The following SYN1 variants were observed in gnomAD, a reference collection of about 807,000 sequenced individuals.
The protein encoded by SYN1 is synapsin-1.
A neutral mutation model predicts 44.6 loss-of-function variants in SYN1; 8 were observed. The ratio of observed to expected loss-of-function variants is 0.18; its 90% CI spans 0.11 to 0.32. The LOEUF is 0.32. Among genes scored for constraint, SYN1 ranks in the 10% least tolerant of loss-of-function variants. The pLI is 1.00. For missense variants in SYN1, 451 were observed against 639.4 expected (o/e 0.71, Z 3.18); for synonymous variants, 275 against 280.1 (o/e 0.98, Z 0.18).
At chrX:47,579,382 T>A (rs1267122223) in intron 5 of SYN1, among the ~76,000 whole-genome samples, 2 of 111,277 alleles carry the variant, frequency 1.8e-5, no homozygotes, top group African/African-American at 6.6e-5. Context: ...GCCTTTCTTC[T>A]TCCTAAGGCC....
intron 1 of SYN1, among the ~76,000 whole-genome samples, chrX:47,618,008 C>T (rs575016463): frequency 9.0e-6 from 1 of 111,522 alleles, no homozygotes; most frequent in African/African-American, 3.3e-5. Flanking sequence ...TATGGGAGCT[C>T]GATTCTTCAT....
chrX:47,619,257 T>C (rs1054195708), intron 1 of SYN1, 95 bp downstream of exon 1: 17 of 1,130,093 alleles, frequency 1.5e-5, no homozygotes, highest in Non-Finnish European at 2.0e-5. Context: ...GAGGGCCAGG[T>C]GTCAGGCACA....
At chrX:47,577,372 C>A in intron 6 of SYN1, 67 bp downstream of exon 6, 1 of 1,105,223 alleles carries the variant, frequency 9.0e-7, no homozygotes. Flanking sequence ...GACGCGATCA[C>A]ACAGAATGAC....
At chrX:47,583,318 G>C in intron 5 of SYN1, 1 of 844,375 alleles carries the variant, frequency 1.2e-6, no homozygotes, top group Non-Finnish European at 1.6e-6. Context: ...CCCCCCCATA[G>C]GCTGCCCCGG....
chrX:47,619,780 G>C lies in SYN1; in HGVS notation c.-52C>G, dbSNP rs985629847. 8.9e-7 allele frequency: 1 copy of C among 1,126,634 alleles called. No individual in the cohort carries two copies. Among genetic ancestry groups the C allele is most frequent in the African/African-American group, 1.8e-5 (1 of 54,768 alleles). The allele number at this position is 1,126,634 out of a possible 1,213,427, so 92.8% of individuals were successfully genotyped here. ...AGGGGTGGTCTGGCCAGGAGCCGCGGGGGCGGACTGCGCGGTGCCCAGGAG... is the reference window on the plus strand; with the variant it reads ...AGGGGTGGTCTGGCCAGGAGCCGCGCGGGCGGACTGCGCGGTGCCCAGGAG... On this transcript the variant is annotated 5_prime_UTR_variant, in exon 1 of 13. Transcript: ENST00000295987.
intron 5 of SYN1, among the ~76,000 whole-genome samples, chrX:47,599,686 AT>A (rs2057874192): frequency 8.9e-6 from 1 of 112,492 alleles, no homozygotes; most frequent in African/African-American, 3.2e-5. Context: ...TGATGTGAAA[AT>A]AATAATAAAA....
chrX:47,595,743 C>T (rs1603066075), intron 5 of SYN1, among the ~76,000 whole-genome samples: 1 of 111,381 alleles, frequency 9.0e-6, no homozygotes, highest in African/African-American at 3.3e-5. Flanking sequence ...AATCTAGTTC[C>T]CAGATCTTGG....
chrX:47,589,524 A>T (rs2057840693), intron 5 of SYN1, among the ~76,000 whole-genome samples: 1 of 99,908 alleles, frequency 1.0e-5, no homozygotes, highest in Admixed American at 1.2e-4. Flanking sequence ...TGAACCTGGG[A>T]GGCGGAGCTT....
At chrX:47,614,509 C>G (rs991419815) in intron 1 of SYN1, among the ~76,000 whole-genome samples, 1 of 111,760 alleles carries the variant, frequency 8.9e-6, no homozygotes, top group African/African-American at 3.3e-5. Flanking sequence ...GCTCATCTCA[C>G]TACCGTGCTC....
intron 5 of SYN1, chrX:47,590,169 G>A (rs948872239): frequency 9.0e-6 from 1 of 111,230 alleles, no homozygotes; most frequent in African/African-American, 3.3e-5. Flanking sequence ...AGACAATCCA[G>A]TTTCCTAGTG....
At chrX:47,611,804 T>C (rs768651662) in intron 1 of SYN1, among the ~76,000 whole-genome samples, 49 of 111,154 alleles carry the variant, frequency 4.4e-4, no homozygotes, top group Non-Finnish European at 5.9e-4. Flanking sequence ...GACCGATGCA[T>C]TAGTAAAATT....
At chrX:47,584,039 T>A (rs1253878566) in intron 5 of SYN1, among the ~76,000 whole-genome samples, 5 of 110,398 alleles carry the variant, frequency 4.5e-5, no homozygotes, top group Non-Finnish European at 9.5e-5. Context: ...TAAGGAGCAG[T>A]GTGAGGGTCT....
chrX:47,593,057 G>T (rs866257900), intron 5 of SYN1, among the ~76,000 whole-genome samples: 9 of 107,145 alleles, frequency 8.4e-5, no homozygotes, highest in African/African-American at 2.5e-4. Context: ...TGTTTTTTTT[G>T]TTTTGTTTTG....
chrX:47,575,215 G>A lies in SYN1; in HGVS notation c.1218C>T (p.Ile406=), dbSNP rs1482108269. ...GDHQDEDKQL[I]VELVVNKMAQ... ...CCATCTTGTTGACCACGAGCTCTAC[G>A]ATGAGCTGTTTGTCTTCATCCTGGT... The change falls in exon 10 of 13, where the codon ATC becomes ATT. Residue 406 remains isoleucine, a synonymous_variant. Transcript: ENST00000295987. The A allele has an allele frequency of 6.6e-6, 8 of 1,204,716 alleles. No individual in the cohort carries two copies. Among genetic ancestry groups the A allele is most frequent in the Middle Eastern group, 2.3e-4 (1 of 4,361 alleles).
intron 5 of SYN1, among the ~76,000 whole-genome samples, chrX:47,603,174 A>G (rs2057885098): frequency 9.0e-6 from 1 of 111,458 alleles, no homozygotes; most frequent in African/African-American, 3.3e-5. Flanking sequence ...CACTGTTTGT[A>G]CTAATGGTTT....
At chrX:47,604,214 T>C (rs914574418) in intron 5 of SYN1, among the ~76,000 whole-genome samples, 38 of 110,172 alleles carry the variant, frequency 3.4e-4, no homozygotes, top group Non-Finnish European at 6.3e-4. Context: ...CGGCCAGTGA[T>C]TATATTTCAT....
chrX:47,598,977 T>C (rs1252783685), intron 5 of SYN1, among the ~76,000 whole-genome samples: 3 of 110,761 alleles, frequency 2.7e-5, no homozygotes, highest in Non-Finnish European at 5.7e-5. Context: ...GCCATGTTCC[T>C]ACCATGGCAC....
chrX:47,604,676 A>G, intron 5 of SYN1: 1 of 315,560 alleles, frequency 3.2e-6, no homozygotes, highest in Non-Finnish European at 5.6e-6. Context: ...TTCTATATGT[A>G]ATATATTCTG....
Position 47,619,557 on chromosome X carries a change from C to G in SYN1, c.172G>C (p.Ala58Pro). Residue 58 changes from alanine to proline, a missense_variant, in exon 1 of 13, where the codon GCC (alanine) becomes CCC (proline). Around this residue, in one of 3 missense-constraint regions of SYN1, gnomAD observed 315 missense variants for 451.4 expected, o/e 0.70. Transcript: ENST00000295987. The stretch of plus-strand genomic sequence containing the variant: ...GGGGCGGCCGGAGAGGCCGCTGGGG[C>G]GACCCCGGAGGACCTCTCGGCAGTG... ...TATAERSSGVAPAASPAAPSP... is the reference protein window; with the variant it reads ...TATAERSSGVPPAASPAAPSP... 8.5e-7 allele frequency: 1 copy of G among 1,180,912 alleles called. No homozygotes were observed.
Sources: allele counts gnomAD v4.1 joint callset (sites outside exome capture counted in the v4.1 genomes callset), GRCh38; gene constraint gnomAD v4.1.1; regional missense constraint gnomAD v4.1.1; transcripts MANE v1.5; gene names NCBI Gene and HGNC (gene_info 2026-07-23, HGNC 2026-07-21).